BPTF: variants seen among roughly 807,000 people sequenced by gnomAD.
BPTF encodes the protein bromodomain PHD finger transcription factor, also known as nucleosome-remodeling factor subunit BPTF.
Under a neutral mutation model 292.5 loss-of-function variants are expected in BPTF, and 18 were observed. The ratio of observed to expected loss-of-function variants is 0.06; its 90% CI spans 0.04 to 0.09. The LOEUF is 0.09. Ranked by LOEUF, BPTF falls within the 10% of genes least tolerant of loss-of-function variation. The pLI, the probability that BPTF is intolerant of heterozygous loss-of-function variation, is 1.00. For missense variants in BPTF, 2,726 were observed against 3,498.7 expected (o/e 0.78, Z 5.57); for synonymous variants, 1,225 against 1,251.9 (o/e 0.98, Z 0.45).
chr17:67,891,827 G>T lies in BPTF; in HGVS notation c.1865-17G>T, dbSNP rs1289232793. 3 of 1,555,170 alleles carry T rather than the reference G, an allele frequency of 1.9e-6. No individual in the cohort carries two copies. Among genetic ancestry groups the T allele is most frequent in the South Asian group, 2.4e-5 (2 of 82,658 alleles). ...ACTTATTGTCAGCAATTGCTTTGTG[G>T]CCTATTCATTTGACAGTAGGTGATT... On this transcript the variant is annotated splice_polypyrimidine_tract_variant and intron_variant, in intron 4 of 27. Transcript: ENST00000306378.
chr17:67,880,942 G>T (rs563591993), intron 4 of BPTF, among the ~76,000 whole-genome samples: 1 of 127,896 alleles, frequency 7.8e-6, no homozygotes, highest in Non-Finnish European at 1.7e-5. Flanking sequence ...GAGGGTGTAT[G>T]TATATTATAT....
chr17:67,975,732 C>G (rs1555693516), intron 26 of BPTF, 40 bp from the exon 27 acceptor site: 3 of 1,553,622 alleles, frequency 1.9e-6, no homozygotes, highest in East Asian at 4.5e-5. Context: ...TTGGAAAAAC[C>G]TTAAAGCTCT....
intron 21 of BPTF, 24 bp from the exon 22 acceptor site, chr17:67,947,702 T>C (rs2065915201): frequency 1.3e-6 from 2 of 1,541,346 alleles, no homozygotes. Context: ...AAATATGCGC[T>C]TTTGGATTTA....
At chr17:67,844,237 C>T (rs1339769307) in intron 1 of BPTF, among the ~76,000 whole-genome samples, 1 of 151,286 alleles carries the variant, frequency 6.6e-6, no homozygotes, top group African/African-American at 2.4e-5. Flanking sequence ...GCATGCACCA[C>T]CATGTCTGGC....
chr17:67,963,232 T>C, intron 24 of BPTF: 1 of 1,327,486 alleles, frequency 7.5e-7, no homozygotes, highest in Non-Finnish European at 1.0e-6. Context: ...TTGCAGGAAG[T>C]TACACTGTAA....
chr17:67,965,308 AC>A (rs2067979673), intron 25 of BPTF: 1 of 151,850 alleles, frequency 6.6e-6, no homozygotes, highest in African/African-American at 2.4e-5. Flanking sequence ...GAGCCACGGC[AC>A]TCTAGCCCAG....
intron 18 of BPTF, among the ~76,000 whole-genome samples, chr17:67,932,312 G>T (rs184801561): frequency 3.3e-5 from 5 of 152,172 alleles, no homozygotes; most frequent in Admixed American, 6.5e-5. Flanking sequence ...AAATCAAGGA[G>T]ATAGCAAAGA....
At position 67,911,479 on chromosome 17, in the gene BPTF, A is replaced by G. The variant is rs2062649416; in HGVS notation, c.3595A>G (p.Arg1199Gly). 1.9e-6 allele frequency: 3 copies of G among 1,614,114 alleles called. No homozygotes were observed. Among genetic ancestry groups the G allele is most frequent in the Non-Finnish European group, 2.5e-6 (3 of 1,180,008 alleles). Reference protein sequence around the residue: ...IEEKVSDLASRGQEPSKSKTK... With the variant: ...IEEKVSDLASGGQEPSKSKTK... The stretch of plus-strand genomic sequence containing the variant: ...AGAAAAAGTCTCTGACCTTGCCAGT[A>G]GAGGCCAGGAACCCAGTAAGAGTAA... The change falls in exon 11 of 28, where the codon AGA (arginine) becomes GGA (glycine). Residue 1199 changes from arginine (R) to glycine (G), a missense_variant. Arg to Gly is a moderately radical substitution (Grantham distance 125). This residue lies in a region of BPTF where 713 missense variants were observed against 714.9 expected (regional missense o/e 1.00). Coordinates refer to ENST00000306378, the MANE Select transcript of BPTF (RefSeq NM_182641.4).
intron 4 of BPTF, chr17:67,875,571 G>A (rs752484829): frequency 6.5e-7 from 1 of 1,529,396 alleles, no homozygotes; most frequent in Non-Finnish European, 8.8e-7. Context: ...ACAGAAGTTG[G>A]GGATAAAGGT....
chr17:67,960,723 A>G (rs2067398721), intron 24 of BPTF, among the ~76,000 whole-genome samples: 1 of 152,232 alleles, frequency 6.6e-6, no homozygotes, highest in African/African-American at 2.4e-5. Flanking sequence ...GAATCAATTA[A>G]TTAGAATTAG....
chr17:67,944,574 C>T, intron 20 of BPTF: 1 of 595,874 alleles, frequency 1.7e-6, no homozygotes, highest in Non-Finnish European at 2.9e-6. Flanking sequence ...ACCACCCTCT[C>T]CCTCCTATTA....
At chr17:67,826,405 G>T (rs2056039359) in intron 1 of BPTF, 68 bp downstream of exon 1, 3 of 1,481,738 alleles carry the variant, frequency 2.0e-6, no homozygotes. Context: ...TTGCTCACTC[G>T]TGTGCTGTGC....
chr17:67,891,680 AAACTT>A (rs2061122891), intron 4 of BPTF, 159 bp from the exon 5 acceptor site: 2 of 433,476 alleles, frequency 4.6e-6, no homozygotes, highest in Admixed American at 8.7e-5. Flanking sequence ...TTTAAGTAAA[AAACTT>A]AAGGAATAAT....
chr17:67,924,541 C>T lies in BPTF; in HGVS notation c.5709-6C>T, dbSNP rs769591312. ...TTCTGATAAGTTTCTCCTTTTTTTC[C>T]TGCAGAGTGGAGAAAGAAAAGGCAC... On this transcript the variant is annotated splice_region_variant and splice_polypyrimidine_tract_variant and intron_variant, in intron 14 of 27. Coordinates refer to ENST00000306378, the MANE Select transcript of BPTF (RefSeq NM_182641.4). 99 of 1,611,620 alleles carry T rather than the reference C, an allele frequency of 6.1e-5. No individual in the cohort carries two copies. Among genetic ancestry groups the T allele is most frequent in the Non-Finnish European group, 8.2e-5 (97 of 1,179,450 alleles).
At chr17:67,834,785 A>G (rs2056997359) in intron 1 of BPTF, among the ~76,000 whole-genome samples, 1 of 152,120 alleles carries the variant, frequency 6.6e-6, no homozygotes, top group Non-Finnish European at 1.5e-5. Context: ...GCCTGGTTCA[A>G]TCTCTTGAAT....
chr17:67,893,782 A>G, intron 6 of BPTF, 57 bp downstream of exon 6: 4 of 1,365,208 alleles, frequency 2.9e-6, no homozygotes, highest in Non-Finnish European at 4.0e-6. Context: ...TTATAAAATG[A>G]TTGTTGTAGT....
At chr17:67,901,147 A>C (rs1282630719) in intron 7 of BPTF, among the ~76,000 whole-genome samples, 1 of 152,202 alleles carries the variant, frequency 6.6e-6, no homozygotes, top group Non-Finnish European at 1.5e-5. Context: ...TCTACAGAAG[A>C]AGCAAATCAG....
intron 1 of BPTF, among the ~76,000 whole-genome samples, chr17:67,839,187 T>TAAAAAAAAAAAA (rs1567870364): frequency 6.6e-6 from 1 of 151,408 alleles, no homozygotes; most frequent in African/African-American, 2.5e-5. Context: ...AAAGCAATGT[T>TAAAAAAAAAAAA]AAATGTTAGT....
At position 67,854,022 on chromosome 17, in the gene BPTF, C is replaced by A. The variant is rs372870037; in HGVS notation, c.696C>A (p.Ser232=). 1.1e-5 allele frequency: 17 copies of A among 1,614,168 alleles called. No homozygotes were observed. Among genetic ancestry groups the A allele is most frequent in the Non-Finnish European group, 1.2e-5 (14 of 1,180,034 alleles). The change falls in exon 2 of 28, where the codon TCC becomes TCA. Residue 232 remains serine, a synonymous_variant. Coordinates refer to ENST00000306378, the MANE Select transcript of BPTF (RefSeq NM_182641.4). This position sits in a 1 kb window ranked among gnomAD's most constrained non-coding sequence, Gnocchi z 5.6. ...TCCCGCCCCTTGAATTTCCCAAGTC[C>A]TCTGAGGATTTAATGGTGCCTAATG... ...KDIPPLEFPK[S]SEDLMVPNEH...
Sources: gnomAD v4.1 joint callset for allele counts (sites outside exome capture counted in the v4.1 genomes callset) on GRCh38, gnomAD v4.1.1 for gene constraint, gnomAD v4.1.1 regional missense constraint, Gnocchi (gnomAD v3.1) non-coding constraint, MANE v1.5 for transcripts, NCBI Gene and HGNC (gene_info 2026-07-23, HGNC 2026-07-21) for gene names.